The following SH3GL2 variants were observed in gnomAD, a reference collection of about 807,000 sequenced individuals.
SH3GL2 encodes the protein SH3 domain containing GRB2 like 2, endophilin A1, also known as endophilin-A1.
A neutral mutation model predicts 46.0 loss-of-function variants in SH3GL2; 24 were observed. The observed-to-expected ratio is 0.52, with a 90% CI of 0.38 to 0.73. The LOEUF is 0.73. Ranked by LOEUF, SH3GL2 falls within the 30% of genes least tolerant of loss-of-function variation. The pLI is 0.00. For missense variants in SH3GL2, 413 were observed against 424.2 expected (o/e 0.97, Z 0.23); for synonymous variants, 196 against 147.1 (o/e 1.33, Z -2.40).
intron 1 of SH3GL2, among the ~76,000 whole-genome samples, chr9:17,663,163 C>G (rs1016907364): frequency 6.6e-6 from 1 of 152,140 alleles, no homozygotes; most frequent in Admixed American, 6.5e-5. Flanking sequence ...TCTAGAGTAA[C>G]TCATCAAGTT....
In SH3GL2 at chr9:17,768,823, A is replaced by G. The variant is rs138764079; in HGVS notation, c.187+7314A>G. Among the ~76,000 whole-genome samples, 1,486 of 152,260 alleles carry G rather than the reference A, an allele frequency of 9.8e-3. 31 individuals carry two copies. The highest frequency in any genetic ancestry group is 0.034 in the African/African-American group (1,421 of 41,526). ...ATTTCTACTCCAGTTTTATATTTTC[A>G]TGCTACCTTTATATCACATGAGTTC... On this transcript the variant is annotated intron_variant, in intron 3 of 8. Coordinates refer to ENST00000380607, the MANE Select transcript of SH3GL2 (RefSeq NM_003026.5).
At chr9:17,628,250 T>G (rs1220176951) in intron 1 of SH3GL2, among the ~76,000 whole-genome samples, 1 of 152,186 alleles carries the variant, frequency 6.6e-6, no homozygotes, top group Non-Finnish European at 1.5e-5. Flanking sequence ...AGTATCTAAC[T>G]CTTCTCTGTA....
At chr9:17,647,948 A>G (rs1362441606) in intron 1 of SH3GL2, among the ~76,000 whole-genome samples, 2 of 150,234 alleles carry the variant, frequency 1.3e-5, no homozygotes, top group African/African-American at 4.8e-5. Flanking sequence ...CCTACTCAAC[A>G]TGAAGATGAA....
intron 2 of SH3GL2, among the ~76,000 whole-genome samples, chr9:17,754,902 T>G (rs566439267): frequency 6.6e-6 from 1 of 152,246 alleles, no homozygotes; most frequent in South Asian, 2.1e-4. Context: ...CTGTGGGGTT[T>G]TCTGGACATA....
At chr9:17,701,053 A>G (rs757037066) in intron 1 of SH3GL2, among the ~76,000 whole-genome samples, 2 of 152,142 alleles carry the variant, frequency 1.3e-5, no homozygotes, top group African/African-American at 4.8e-5. Flanking sequence ...AAAATGAACT[A>G]TAACCTTTCA....
At chr9:17,791,005 A>AT (rs1406533481) in intron 6 of SH3GL2, among the ~76,000 whole-genome samples, 1 of 152,122 alleles carries the variant, frequency 6.6e-6, no homozygotes, top group Non-Finnish European at 1.5e-5. Context: ...GCTTCTCCTC[A>AT]TGGTACTGAT....
At chr9:17,649,224 C>G (rs1411482771) in intron 1 of SH3GL2, among the ~76,000 whole-genome samples, 1 of 152,196 alleles carries the variant, frequency 6.6e-6, no homozygotes, top group Non-Finnish European at 1.5e-5. Flanking sequence ...TGCCACAACA[C>G]CCAGCTAATT....
At chr9:17,774,211 G>A (rs1823575982) in intron 3 of SH3GL2, among the ~76,000 whole-genome samples, 1 of 152,072 alleles carries the variant, frequency 6.6e-6, no homozygotes, top group Non-Finnish European at 1.5e-5. Context: ...AATCTTTAGA[G>A]ATTTCTATAT....
intron 1 of SH3GL2, among the ~76,000 whole-genome samples, chr9:17,629,298 GA>G (rs61025122): frequency 0.012 from 1,823 of 152,306 alleles, 34 homozygotes; most frequent in African/African-American, 0.041. Flanking sequence ...TGATAGAAAT[GA>G]AATATAGTGT....
chr9:17,650,776 C>T (rs1819937047), intron 1 of SH3GL2, among the ~76,000 whole-genome samples: 1 of 152,188 alleles, frequency 6.6e-6, no homozygotes, highest in Non-Finnish European at 1.5e-5. Context: ...TATTAATTAA[C>T]TTGTGAGATT....
In SH3GL2 at chr9:17,686,550, C is replaced by T. The variant is rs1273538199; in HGVS notation, c.46-60516C>T. On this transcript the variant is annotated intron_variant, in intron 1 of 8. Transcript: ENST00000380607. ...ACTTGGAACCAACCCAAATGTCCAA[C>T]AATGATAGACTGGATTGAGAAAATG... 5.4e-5 allele frequency among the ~76,000 whole-genome samples: 8 copies of T among 148,086 alleles called. No homozygotes were observed. The East Asian group carries it at 1.6e-3, about 29-fold the overall frequency.
At chr9:17,596,004 C>G (rs2134554747) in intron 1 of SH3GL2, among the ~76,000 whole-genome samples, 1 of 152,196 alleles carries the variant, frequency 6.6e-6, no homozygotes, top group East Asian at 1.9e-4. Flanking sequence ...ACAAAATTTT[C>G]TTTCCACTTC....
chr9:17,639,595 A>T (rs1028163099), intron 1 of SH3GL2, among the ~76,000 whole-genome samples: 2 of 152,224 alleles, frequency 1.3e-5, no homozygotes, highest in African/African-American at 4.8e-5. Flanking sequence ...GTTGGAAAAC[A>T]TTATGGTTGT....
chr9:17,738,912 G>T (rs140118295), intron 1 of SH3GL2, among the ~76,000 whole-genome samples: 1,770 of 152,158 alleles, frequency 0.012, 19 homozygotes, highest in Middle Eastern at 0.031. Flanking sequence ...GATTGTAGAT[G>T]TTAACCATTT....
intron 6 of SH3GL2, 123 bp from the exon 7 acceptor site, chr9:17,791,108 C>T: frequency 1.5e-6 from 1 of 688,002 alleles, no homozygotes; most frequent in South Asian, 1.7e-5. Context: ...ATCACACAGT[C>T]ATCAGCACCA....
At chr9:17,786,908 T>A (rs1823975365) in intron 4 of SH3GL2, among the ~76,000 whole-genome samples, 1 of 152,154 alleles carries the variant, frequency 6.6e-6, no homozygotes. Context: ...CTTTGCTCAC[T>A]TGTATATGGT....
rs926828552 is a variant in SH3GL2 at position 17,730,098 on chromosome 9, G to C, written c.46-16968G>C. 3.3e-5 allele frequency among the ~76,000 whole-genome samples: 5 copies of C among 152,100 alleles called. No individual in the cohort carries two copies. In the East Asian group the frequency reaches 9.6e-4, roughly 29 times the overall value. Reference sequence around the variant, plus strand: ...CTGATTCTTCCTATCCATGAGCATGGAATGTTTTCCCATTTGTTTGTGTCC... The same window carrying C: ...CTGATTCTTCCTATCCATGAGCATGCAATGTTTTCCCATTTGTTTGTGTCC... On this transcript the variant is annotated intron_variant, in intron 1 of 8. Transcript: ENST00000380607.
At chr9:17,642,129 A>G (rs941098641) in intron 1 of SH3GL2, among the ~76,000 whole-genome samples, 4 of 151,736 alleles carry the variant, frequency 2.6e-5, no homozygotes, top group African/African-American at 9.7e-5. Flanking sequence ...AGCTTTTTTC[A>G]TATGTTTATT....
chr9:17,586,782 G>T (rs1249544693), intron 1 of SH3GL2, among the ~76,000 whole-genome samples: 2 of 152,174 alleles, frequency 1.3e-5, no homozygotes, highest in Non-Finnish European at 2.9e-5. Context: ...CCTCCCACCA[G>T]GTCCCTCCCA....
Sources: allele counts gnomAD v4.1 joint callset (sites outside exome capture counted in the v4.1 genomes callset), GRCh38; gene constraint gnomAD v4.1.1; transcripts MANE v1.5; gene names NCBI Gene and HGNC (gene_info 2026-07-23, HGNC 2026-07-21).